The following CDK14 variants were observed in gnomAD, a reference collection of about 807,000 sequenced individuals.
CDK14 encodes cyclin dependent kinase 14, also known as cyclin-dependent kinase 14.
A neutral mutation model predicts 60.7 loss-of-function variants in CDK14; 34 were observed. That is an observed-to-expected ratio of 0.56 (90% CI 0.43 to 0.75). The LOEUF is 0.75. CDK14 is among the 30% of genes least tolerant of loss of function. CDK14 has a pLI of 0.00. For missense variants in CDK14, 482 were observed against 564.1 expected, an observed-to-expected ratio of 0.85 and a Z score of 1.47; for synonymous variants, 197 against 203.7, an observed-to-expected ratio of 0.97 and a Z score of 0.28.
intron 8 of CDK14, among the ~76,000 whole-genome samples, chr7:90,944,279 A>G (rs1428587338): frequency 6.6e-6 from 1 of 152,226 alleles, no homozygotes; most frequent in Non-Finnish European, 1.5e-5. Flanking sequence ...AGACAGGTCC[A>G]TCCCTGTAGG....
At chr7:90,751,979 A>G (rs1435222029) in intron 4 of CDK14, among the ~76,000 whole-genome samples, 1 of 152,248 alleles carries the variant, frequency 6.6e-6, no homozygotes, top group East Asian at 1.9e-4. Flanking sequence ...AGAAGACTTA[A>G]CTATCCTAAA....
Position 91,095,633 on chromosome 7 carries a change from A to G in CDK14, c.1154+16153A>G, listed in dbSNP as rs181739689. On this transcript the variant is annotated intron_variant, in intron 12 of 14. Coordinates refer to ENST00000380050, the MANE Select transcript of CDK14 (RefSeq NM_001287135.2). ...AGGTTTAACAAATCATGATTCAGCA[A>G]CTCAGTGGAATATTACACAACAATG... 2.4e-4 allele frequency among the ~76,000 whole-genome samples: 36 copies of G among 152,326 alleles called. No individual in the cohort carries two copies. The East Asian group carries it at 6.4e-3, about 27-fold the overall frequency.
chr7:90,870,033 TAA>T (rs755369297), intron 6 of CDK14, among the ~76,000 whole-genome samples: 2 of 152,196 alleles, frequency 1.3e-5, no homozygotes, highest in Non-Finnish European at 2.9e-5. Flanking sequence ...CACAGGACCA[TAA>T]GAAAGTGAGT....
intron 6 of CDK14, among the ~76,000 whole-genome samples, chr7:90,885,383 A>T (rs1791909580): frequency 1.3e-5 from 2 of 152,206 alleles, no homozygotes; most frequent in African/African-American, 4.8e-5. Flanking sequence ...ACGAGATACC[A>T]TCTCATGCCA....
intron 14 of CDK14, among the ~76,000 whole-genome samples, chr7:91,145,441 T>G (rs905570797): frequency 3.3e-5 from 5 of 152,242 alleles, no homozygotes; most frequent in African/African-American, 1.2e-4. Context: ...CAAAAAAATT[T>G]TAATTACCTC....
intron 8 of CDK14, among the ~76,000 whole-genome samples, chr7:90,947,859 T>C (rs889173843): frequency 3.3e-5 from 5 of 152,188 alleles, no homozygotes; most frequent in African/African-American, 1.2e-4. Context: ...GTATGTATAA[T>C]AAATTTTATA....
rs527446440 is a variant in CDK14, at chr7:91,209,248, C to G, written c.*2112C>G. 4 of 152,156 alleles carry G rather than the reference C, an allele frequency of 2.6e-5. No individual in the cohort carries two copies. The highest frequency in any genetic ancestry group is 4.4e-5 in the Non-Finnish European group (3 of 68,034). 9.4% of individuals were successfully genotyped at this position (152,156 alleles called of 1,614,324 possible). ...GGCTATTAGAGTTATATCTCCCTGTCGTAGGCAGCTTCTTCGGAGAAGTGA... is the reference window on the plus strand; with the variant it reads ...GGCTATTAGAGTTATATCTCCCTGTGGTAGGCAGCTTCTTCGGAGAAGTGA... On this transcript the variant is annotated 3_prime_UTR_variant, in exon 15 of 15. Transcript: ENST00000380050.
chr7:90,596,917 G>A (rs893874663), intron 1 of CDK14, among the ~76,000 whole-genome samples, 199 bp downstream of exon 1: 1 of 152,120 alleles, frequency 6.6e-6, no homozygotes, highest in Admixed American at 6.5e-5. Context: ...CTCAGGATCT[G>A]GGGGTTCATT....
At chr7:90,998,782 G>A (rs962523845) in intron 10 of CDK14, among the ~76,000 whole-genome samples, 8 of 152,104 alleles carry the variant, frequency 5.3e-5, no homozygotes, top group Non-Finnish European at 8.8e-5. Flanking sequence ...CCAGCTACTC[G>A]GGAGGCTGAG....
intron 13 of CDK14, among the ~76,000 whole-genome samples, chr7:91,116,720 T>C (rs1038002938): frequency 5.9e-5 from 9 of 152,142 alleles, no homozygotes; most frequent in African/African-American, 2.2e-4. Context: ...CATTGGTCTT[T>C]TCCCAGCCTA....
intron 2 of CDK14, among the ~76,000 whole-genome samples, chr7:90,656,821 G>C (rs1033246045): frequency 1.3e-5 from 2 of 151,960 alleles, no homozygotes; most frequent in Non-Finnish European, 2.9e-5. Context: ...TAGTTTTTTT[G>C]CAATTATTTA....
chr7:91,103,145 C>G (rs1799191108), intron 12 of CDK14, among the ~76,000 whole-genome samples: 4 of 151,916 alleles, frequency 2.6e-5, no homozygotes, highest in Non-Finnish European at 4.4e-5. Context: ...CCCAGCTACC[C>G]AGGAGGCTGA....
intron 2 of CDK14, among the ~76,000 whole-genome samples, chr7:90,712,577 A>G (rs1802105875): frequency 6.6e-6 from 1 of 152,102 alleles, no homozygotes; most frequent in Admixed American, 6.6e-5. Context: ...CGTAATAAAT[A>G]CTTTAGATAT....
chr7:90,908,921 T>C (rs1792802297), intron 7 of CDK14, among the ~76,000 whole-genome samples: 1 of 152,194 alleles, frequency 6.6e-6, no homozygotes, highest in Non-Finnish European at 1.5e-5. Flanking sequence ...ATCACCTTTG[T>C]CAATTTTTCT....
intron 4 of CDK14, among the ~76,000 whole-genome samples, chr7:90,752,492 A>G (rs1803885018): frequency 6.6e-6 from 1 of 152,132 alleles, no homozygotes; most frequent in African/African-American, 2.4e-5. Context: ...TCATACCAAA[A>G]TCCTTGGGAT....
chr7:91,165,653 T>G (rs1801323547), intron 14 of CDK14, among the ~76,000 whole-genome samples: 1 of 152,242 alleles, frequency 6.6e-6, no homozygotes, highest in Non-Finnish European at 1.5e-5. Context: ...CAGCTGCTTT[T>G]AACGTTTACT....
chr7:90,675,741 A>C (rs1465161054), intron 2 of CDK14, among the ~76,000 whole-genome samples: 3 of 152,230 alleles, frequency 2.0e-5, no homozygotes, highest in Non-Finnish European at 4.4e-5. Flanking sequence ...TCTTAGAGTA[A>C]TATGATTCAA....
At chr7:90,928,496 C>G (rs567590834) in intron 8 of CDK14, among the ~76,000 whole-genome samples, 1 of 152,046 alleles carries the variant, frequency 6.6e-6, no homozygotes, top group East Asian at 1.9e-4. Context: ...CACTCCAGAC[C>G]CTGTTTGCCT....
chr7:90,841,465 G>A (rs903425775), intron 5 of CDK14, among the ~76,000 whole-genome samples: 1 of 151,850 alleles, frequency 6.6e-6, no homozygotes, highest in African/African-American at 2.4e-5. Context: ...TAAAAATAAA[G>A]TCTATTATTT....
Sources: allele counts gnomAD v4.1 joint callset (sites outside exome capture counted in the v4.1 genomes callset), GRCh38; gene constraint gnomAD v4.1.1; transcripts MANE v1.5; gene names NCBI Gene and HGNC (gene_info 2026-07-23, HGNC 2026-07-21).